Variants in WDTC1 observed in about 807,000 individuals in gnomAD.
WDTC1 encodes WD and tetratricopeptide repeats protein 1.
WDTC1 carries 12 observed loss-of-function variants against 76.0 expected under a neutral mutation model. The observed-to-expected ratio is 0.16, with a 90% CI of 0.10 to 0.26. WDTC1 has a LOEUF of 0.26. Among genes scored for constraint, WDTC1 ranks in the 10% least tolerant of loss-of-function variants. WDTC1 has a pLI of 1.00. For missense variants in WDTC1, 511 were observed against 908.8 expected (o/e 0.56, Z 5.63); for synonymous variants, 326 against 350.8 (o/e 0.93, Z 0.79).
At chr1:27,279,750 A>G (rs557109506) in intron 3 of WDTC1, among the ~76,000 whole-genome samples, 280 of 152,178 alleles carry the variant, frequency 1.8e-3, no homozygotes, top group Middle Eastern at 3.4e-3. Context: ...AAATTTTTGT[A>G]GAGCTAGCAT....
intron 1 of WDTC1, among the ~76,000 whole-genome samples, chr1:27,254,512 C>T (rs991152644): frequency 6.6e-6 from 1 of 152,018 alleles, no homozygotes; most frequent in Admixed American, 6.6e-5. Context: ...GGCACGGAAC[C>T]GCTTGAACCT....
rs1311065107 is a variant in WDTC1 at position 27,305,383 on chromosome 1, T to G, written c.1836+190T>G. 1.3e-5 allele frequency among the ~76,000 whole-genome samples: 2 copies of G among 152,168 alleles called. No homozygotes were observed. The highest frequency in any genetic ancestry group is 2.9e-5 in the Non-Finnish European group (2 of 68,030). ...AATGCAGCAGCAATTCTCCAGAAGC[T>G]GTGCAGAGGCCCTGGTCACAAGGGA... On this transcript the variant is annotated intron_variant, in intron 15 of 15. Transcript: ENST00000319394. The surrounding 1 kb of genome is among the most constrained non-coding windows in gnomAD (Gnocchi z 4.6).
At chr1:27,252,381 T>A (rs1450384764) in intron 1 of WDTC1, among the ~76,000 whole-genome samples, 1 of 151,998 alleles carries the variant, frequency 6.6e-6, no homozygotes, top group South Asian at 2.1e-4. Flanking sequence ...TAAAAAACCT[T>A]TGTCCTCTAG....
intron 6 of WDTC1, among the ~76,000 whole-genome samples, chr1:27,290,099 C>T (rs1281930760): frequency 6.6e-6 from 1 of 151,912 alleles, no homozygotes; most frequent in Non-Finnish European, 1.5e-5. Flanking sequence ...TTTTCTGAGA[C>T]AGGGTCTCAC....
rs372361805 is a variant in WDTC1, at chr1:27,254,985, A to C, written c.-99-5971A>C. 1.9e-4 allele frequency among the ~76,000 whole-genome samples: 29 copies of C among 150,530 alleles called. No homozygotes were observed. The South Asian group carries it at 5.9e-3, about 31-fold the overall frequency. On this transcript the variant is annotated intron_variant, in intron 1 of 15. Transcript: ENST00000319394. ...GTCTACCAATTTGATCCCAACTTCC[A>C]TTTTACCATTTACCTGAATTGTGGT...
rs1049416682 is a variant in WDTC1, at chr1:27,306,949, A to C, written c.*566A>C. On this transcript the variant is annotated 3_prime_UTR_variant, in exon 16 of 16. Coordinates refer to ENST00000319394, the MANE Select transcript of WDTC1 (RefSeq NM_001276252.2). The surrounding 1 kb of genome is among the most constrained non-coding windows in gnomAD (Gnocchi z 5.0). ...GAAGGATGGGAGCCCTGGAGTGGGC[A>C]AGACCAGGCCACCTGCTGAGGTCGC... The C allele has an allele frequency of 6.3e-6, 1 of 157,490 alleles. No homozygotes were observed. The highest frequency in any genetic ancestry group is 1.9e-4 in the South Asian group (1 of 5,282). 9.8% of individuals were successfully genotyped at this position (157,490 alleles called of 1,614,324 possible).
At chr1:27,269,115 G>A (rs201409832) in intron 3 of WDTC1, among the ~76,000 whole-genome samples, 1 of 116,016 alleles carries the variant, frequency 8.6e-6, no homozygotes, top group East Asian at 2.8e-4. Flanking sequence ...GGCAAGTCCA[G>A]AAAGAAGTTC....
intron 1 of WDTC1, among the ~76,000 whole-genome samples, chr1:27,255,800 C>T (rs1437512742): frequency 1.3e-5 from 2 of 152,110 alleles, no homozygotes; most frequent in African/African-American, 4.8e-5. Flanking sequence ...AACTCCTGAC[C>T]TCAGTTGATC....
chr1:27,297,304 G>A, intron 11 of WDTC1, 148 bp downstream of exon 11: 2 of 713,254 alleles, frequency 2.8e-6, no homozygotes, highest in South Asian at 3.6e-5. Context: ...CCTTCTTGGA[G>A]GGTGCCTAGT....
chr1:27,257,783 T>G (rs2012331523), intron 1 of WDTC1, among the ~76,000 whole-genome samples: 1 of 151,960 alleles, frequency 6.6e-6, no homozygotes, highest in Non-Finnish European at 1.5e-5. Flanking sequence ...CTTGCCTGTT[T>G]TTTTGTTTGT....
intron 12 of WDTC1, among the ~76,000 whole-genome samples, chr1:27,298,628 C>T (rs949236165): frequency 3.9e-5 from 6 of 152,312 alleles, no homozygotes; most frequent in East Asian, 1.9e-4. Context: ...CTATGGGTCA[C>T]GCTAGGGTAT....
intron 1 of WDTC1, among the ~76,000 whole-genome samples, chr1:27,249,172 G>A (rs2011951505): frequency 6.6e-6 from 1 of 151,900 alleles, no homozygotes; most frequent in African/African-American, 2.4e-5. Flanking sequence ...CGGAGGCTGA[G>A]GCATGAGAAT....
intron 8 of WDTC1, 91 bp from the exon 9 acceptor site, chr1:27,294,423 T>C: frequency 1.7e-6 from 2 of 1,153,132 alleles, no homozygotes; most frequent in Non-Finnish European, 2.6e-6. Flanking sequence ...TAAAGTTGAT[T>C]GGTATAATTT....
intron 3 of WDTC1, among the ~76,000 whole-genome samples, chr1:27,281,146 G>A (rs2013176028): frequency 6.6e-6 from 1 of 152,008 alleles, no homozygotes; most frequent in South Asian, 2.1e-4. Flanking sequence ...TACCTGGCAT[G>A]CAGTAGGTGC....
chr1:27,284,035 G>C (rs1235916477), intron 5 of WDTC1, among the ~76,000 whole-genome samples: 15 of 152,184 alleles, frequency 9.9e-5, no homozygotes, highest in African/African-American at 3.1e-4. Flanking sequence ...GAGGTGAGAA[G>C]GGGACTTACA....
chr1:27,304,127 A>T, intron 14 of WDTC1: 1 of 278,470 alleles, frequency 3.6e-6, no homozygotes, highest in Non-Finnish European at 6.8e-6. Flanking sequence ...CATTCAAGGA[A>T]CCTCCCTCTG....
At chr1:27,254,130 CAA>C (rs1557481962) in intron 1 of WDTC1, among the ~76,000 whole-genome samples, 2 of 151,908 alleles carry the variant, frequency 1.3e-5, no homozygotes, top group Non-Finnish European at 2.9e-5. Flanking sequence ...AAGAAAAAAA[CAA>C]AATGATTTTT....
chr1:27,287,983 GGC>G (rs2013392310), intron 6 of WDTC1, 122 bp downstream of exon 6: 1 of 1,263,654 alleles, frequency 7.9e-7, no homozygotes, highest in Admixed American at 2.6e-5. Context: ...GTCTGCCCAG[GGC>G]AGTTGTCTGT....
In WDTC1 at chr1:27,274,251, A is replaced by G. The variant is rs1034971213; in HGVS notation, c.133-7988A>G. Reference sequence around the variant, plus strand: ...GGCTGCAGTGAGCCATGATCATACCACTTACTCCAGCCTGGGCAATGGAAG... The same window carrying G: ...GGCTGCAGTGAGCCATGATCATACCGCTTACTCCAGCCTGGGCAATGGAAG... On this transcript the variant is annotated intron_variant, in intron 3 of 15. Transcript: ENST00000319394. The surrounding 1 kb of genome is among the most constrained non-coding windows in gnomAD (Gnocchi z 4.2). 1.6e-4 allele frequency among the ~76,000 whole-genome samples: 25 copies of G among 152,246 alleles called. No individual in the cohort carries two copies. The highest frequency in any genetic ancestry group is 5.8e-4 in the African/African-American group (24 of 41,548).
Sources: gnomAD v4.1 joint callset for allele counts (sites outside exome capture counted in the v4.1 genomes callset) on GRCh38, gnomAD v4.1.1 for gene constraint, Gnocchi (gnomAD v3.1) non-coding constraint, MANE v1.5 for transcripts, NCBI Gene and HGNC (gene_info 2026-07-23, HGNC 2026-07-21) for gene names.